The following ZNF841 variants were observed in gnomAD, a reference collection of about 807,000 sequenced individuals.
ZNF841 encodes the protein zinc finger protein 841.
A neutral mutation model predicts 13.0 loss-of-function variants in ZNF841; 11 were observed. The observed-to-expected ratio is 0.85, with a 90% CI of 0.53 to 1.40. ZNF841 has a LOEUF of 1.40. Among genes scored for constraint, ZNF841 ranks in the 40% most tolerant of loss-of-function variants. ZNF841 has a pLI of 0.00. For missense variants in ZNF841, 1,068 were observed against 1,139.5 expected (o/e 0.94, Z 0.90); for synonymous variants, 369 against 381.6 (o/e 0.97, Z 0.38).
At chr19:52,091,375 A>C (rs1397438771) in intron 2 of ZNF841, among the ~76,000 whole-genome samples, 2 of 152,208 alleles carry the variant, frequency 1.3e-5, no homozygotes, top group Non-Finnish European at 2.9e-5. Context: ...ACCACAAAAA[A>C]CTCCAAAGAG....
chr19:52,071,546 C>T (rs1165267620), intron 6 of ZNF841, among the ~76,000 whole-genome samples: 8 of 151,986 alleles, frequency 5.3e-5, no homozygotes, highest in Non-Finnish European at 1.0e-4. Context: ...ACAGTATATA[C>T]GATGAAAGTA....
rs572846890 is a variant in ZNF841, at chr19:52,067,118, T to A, written c.764A>T (p.His255Leu). 26 of 1,575,080 alleles carry A rather than the reference T, an allele frequency of 1.7e-5. No individual in the cohort carries two copies. The highest frequency in any genetic ancestry group is 2.1e-5 in the Non-Finnish European group (24 of 1,158,716). ...ACCTATGTAAGGTTTTTCCCTAATA[T>A]GTGTTTTCTCGTCTTGTGTAGGTAA... ...LSLPTQDEKT[H>L]IREKPYIGNE... Residue 255 changes from histidine to leucine, a missense_variant, in exon 7 of 7, where the codon CAT becomes CTT. His to Leu is a moderately conservative substitution (Grantham distance 99). Transcript: ENST00000594440.
At chr19:52,073,206 G>T (rs573824968) in intron 6 of ZNF841, among the ~76,000 whole-genome samples, 4 of 152,070 alleles carry the variant, frequency 2.6e-5, no homozygotes, top group Admixed American at 6.6e-5. Context: ...AATTCAAGAT[G>T]AATAACGACT....
At chr19:52,094,411 TTC>T (rs928952190) in intron 1 of ZNF841, among the ~76,000 whole-genome samples, 11 of 152,156 alleles carry the variant, frequency 7.2e-5, no homozygotes, top group Admixed American at 4.6e-4. Context: ...CGTCTTTTTT[TTC>T]TCCTTTTCTG....
chr19:52,067,630 T>C lies in ZNF841; in HGVS notation c.272-20A>G, dbSNP rs1345220339. ...AGATACCTGCAAAATATAATGAACA[T>C]GGGGTTTTAAAATAACTATTATTGG... On this transcript the variant is annotated intron_variant, in intron 6 of 6. Transcript: ENST00000594440. The C allele has an allele frequency of 2.1e-6, 3 of 1,433,984 alleles. No individual in the cohort carries two copies. The highest frequency in any genetic ancestry group is 2.9e-5 in the African/African-American group (2 of 69,226). 88.8% of individuals were successfully genotyped at this position (1,433,984 alleles called of 1,614,324 possible). A position where few individuals can be genotyped will look rare whatever the true frequency, so the allele number is the denominator to read the frequency against.
At chr19:52,064,070 C>T (rs113907785), downstream of ZNF841, among the ~76,000 whole-genome samples, 23,826 of 151,844 alleles carry the variant, frequency 0.16, 2,193 homozygotes, top group South Asian at 0.3. Context: ...TCTGGCCGGG[C>T]GCAGTGGCTC....
downstream of ZNF841, among the ~76,000 whole-genome samples, chr19:52,060,684 G>T (rs2123182876): frequency 6.6e-6 from 1 of 152,292 alleles, no homozygotes; most frequent in Middle Eastern, 3.4e-3. Context: ...TGCCCAGAAA[G>T]GGAAAAGACT....
At chr19:52,093,638 C>G (rs551388002) in intron 2 of ZNF841, among the ~76,000 whole-genome samples, 1 of 152,202 alleles carries the variant, frequency 6.6e-6, no homozygotes, top group African/African-American at 2.4e-5. Flanking sequence ...AATGATGGCA[C>G]TTAATATTCA....
intron 2 of ZNF841, among the ~76,000 whole-genome samples, chr19:52,090,070 G>A (rs972482686): frequency 3.9e-4 from 60 of 152,160 alleles, no homozygotes; most frequent in African/African-American, 1.4e-3. Flanking sequence ...CTGGGCATTG[G>A]CTAGATTAAG....
At chr19:52,083,004 C>T (rs1309749243) in intron 4 of ZNF841, among the ~76,000 whole-genome samples, 3 of 150,966 alleles carry the variant, frequency 2.0e-5, no homozygotes, top group African/African-American at 4.9e-5. Flanking sequence ...GGTGTGAACC[C>T]GGGAGGCGGA....
intron 3 of ZNF841, among the ~76,000 whole-genome samples, chr19:52,088,526 C>T (rs1211472038): frequency 1.3e-5 from 2 of 152,114 alleles, no homozygotes; most frequent in East Asian, 1.9e-4. Context: ...TTTATATAAA[C>T]ACCTCTAGAC....
chr19:52,075,476 G>A (rs2087869675), intron 6 of ZNF841, among the ~76,000 whole-genome samples: 1 of 152,160 alleles, frequency 6.6e-6, no homozygotes, highest in Non-Finnish European at 1.5e-5. Context: ...CAAGAAGAGT[G>A]TCCAAAGAAG....
chr19:52,090,566 G>T (rs556251599), intron 2 of ZNF841, among the ~76,000 whole-genome samples: 8 of 150,866 alleles, frequency 5.3e-5, no homozygotes, highest in African/African-American at 2.0e-4. Context: ...CCCACTGCAT[G>T]CCAGCACTCC....
intron 2 of ZNF841, among the ~76,000 whole-genome samples, chr19:52,089,686 A>G (rs763622120): frequency 1.3e-5 from 2 of 152,126 alleles, no homozygotes; most frequent in Non-Finnish European, 2.9e-5. Context: ...AACCACTCAT[A>G]ATCCCACTTC....
chr19:52,065,264 C>G lies in ZNF841; in HGVS notation c.2618G>C (p.Ser873Thr), dbSNP rs376758385. The G allele has an allele frequency of 6.2e-7, 1 of 1,613,962 alleles. No homozygotes were observed. The highest frequency in any genetic ancestry group is 8.5e-7 in the Non-Finnish European group (1 of 1,179,922). Residue 873 changes from serine to threonine, a missense_variant, in exon 7 of 7, where the codon AGT becomes ACT. Physicochemically the swap from Ser to Thr is moderately conservative, Grantham distance 58. Coordinates refer to ENST00000594440, the MANE Select transcript of ZNF841 (RefSeq NM_001136499.2). Reference sequence around the variant, plus strand: ...CTCATTACATTTATAAGGTTTTTCACTAGAATGAATTCGTTGGTGTTTAGT... The same window carrying G: ...CTCATTACATTTATAAGGTTTTTCAGTAGAATGAATTCGTTGGTGTTTAGT... ...CLTKHQRIHS[S>T]EKPYKCNECG...
At position 52,088,940 on chromosome 19, in the gene ZNF841, A is replaced by G. The variant is rs1460080851; in HGVS notation, c.-81T>C. The G allele has an allele frequency of 6.6e-6, 1 of 152,232 alleles. No homozygotes were observed. Among genetic ancestry groups the G allele is most frequent in the East Asian group, 1.9e-4 (1 of 5,198 alleles). 9.4% of individuals were successfully genotyped at this position (152,232 alleles called of 1,614,324 possible). A position where few individuals can be genotyped will look rare whatever the true frequency, so the allele number is the denominator to read the frequency against. ...TGTTGACTTGCTTAATACGTACCATAGATTGAGGTGTGCGATTCAGTTGCC... is the reference window on the plus strand; with the variant it reads ...TGTTGACTTGCTTAATACGTACCATGGATTGAGGTGTGCGATTCAGTTGCC... On this transcript the variant is annotated 5_prime_UTR_variant, in exon 3 of 7. Transcript: ENST00000594440.
At chr19:52,092,023 T>C (rs1180745147) in intron 2 of ZNF841, among the ~76,000 whole-genome samples, 3 of 151,900 alleles carry the variant, frequency 2.0e-5, no homozygotes, top group Admixed American at 6.6e-5. Context: ...CAACCTGTAA[T>C]ACCAGCTACT....
intron 6 of ZNF841, 62 bp from the exon 7 acceptor site, chr19:52,067,672 C>T: frequency 8.4e-7 from 1 of 1,189,782 alleles, no homozygotes; most frequent in South Asian, 2.2e-5. Context: ...TTATTTTATA[C>T]TGAAAACACA....
At chr19:52,072,088 T>C (rs1265585232) in intron 6 of ZNF841, among the ~76,000 whole-genome samples, 2 of 152,202 alleles carry the variant, frequency 1.3e-5, no homozygotes, top group African/African-American at 2.4e-5. Flanking sequence ...ATGTCAAAAC[T>C]GGTACAAGAG....
Sources: allele counts gnomAD v4.1 joint callset (sites outside exome capture counted in the v4.1 genomes callset), GRCh38; gene constraint gnomAD v4.1.1; transcripts MANE v1.5; gene names NCBI Gene and HGNC (gene_info 2026-07-23, HGNC 2026-07-21).